Variants in SMTNL1 observed in about 807,000 individuals in gnomAD.
SMTNL1 encodes smoothelin-like protein 1.
SMTNL1 carries 41 observed loss-of-function variants against 46.6 expected under a neutral mutation model. That is an observed-to-expected ratio of 0.88 (90% CI 0.69 to 1.14). The LOEUF is 1.14. Among genes scored for constraint, SMTNL1 ranks in the 50% most tolerant of loss-of-function variants. The pLI, the probability that SMTNL1 is intolerant of heterozygous loss-of-function variation, is 0.00. For synonymous variants in SMTNL1, 234 were observed against 234.2 expected (o/e 1.00, Z 0.01); for missense variants, 591 against 626.1 (o/e 0.94, Z 0.60).
chr11:57,544,043 C>A, intron 4 of SMTNL1, 123 bp downstream of exon 4: 2 of 1,049,418 alleles, frequency 1.9e-6, no homozygotes, highest in Non-Finnish European at 2.8e-6. Context: ...GGATTCCTGG[C>A]ATTCAGCTTC....
Position 57,546,549 on chromosome 11 carries a change from T to C in SMTNL1, c.1237T>C (p.Phe413Leu). ...CTCCAGCTGGAGCAGTGGTATGGCC[T>C]TCTGTGCCCTCATCCACAAGTTCTT... ...FSSSWSSGMA[F>L]CALIHKFFPD... The change falls in exon 7 of 8, where the codon TTC (phenylalanine) becomes CTC (leucine). Residue 413 changes from phenylalanine to leucine, a missense_variant. Transcript: ENST00000527972. The C allele has an allele frequency of 6.2e-7, 1 of 1,614,174 alleles. No individual in the cohort carries two copies. Among genetic ancestry groups the C allele is most frequent in the Non-Finnish European group, 8.5e-7 (1 of 1,180,018 alleles).
chr11:57,540,999 A>T (rs971700937), intron 1 of SMTNL1, among the ~76,000 whole-genome samples: 4 of 152,132 alleles, frequency 2.6e-5, no homozygotes, highest in African/African-American at 9.7e-5. Context: ...GTGATCCACC[A>T]TGCCCGGCGT....
intron 4 of SMTNL1, 107 bp from the exon 5 acceptor site, chr11:57,545,774 C>A (rs2135265448): frequency 1.8e-6 from 2 of 1,099,694 alleles, no homozygotes; most frequent in Non-Finnish European, 2.6e-6. Flanking sequence ...CTGCACACAC[C>A]CCCTTAGACT....
intron 1 of SMTNL1, among the ~76,000 whole-genome samples, chr11:57,538,665 G>C (rs1327930554): frequency 2.6e-5 from 4 of 152,128 alleles, no homozygotes; most frequent in South Asian, 2.1e-4. Context: ...GTGGAAGTTG[G>C]GATACTTGGA....
chr11:57,543,502 G>T (rs1944898632), intron 2 of SMTNL1, 122 bp from the exon 3 acceptor site: 1 of 1,516,520 alleles, frequency 6.6e-7, no homozygotes, highest in East Asian at 2.4e-5. Context: ...CAGGGTGGGG[G>T]AGGGGGGACA....
chr11:57,538,797 A>G (rs968174549), intron 1 of SMTNL1, among the ~76,000 whole-genome samples: 2 of 152,212 alleles, frequency 1.3e-5, no homozygotes, highest in Non-Finnish European at 2.9e-5. Context: ...GGGTCGGAGC[A>G]AGAAATGACC....
At chr11:57,538,397 T>G (rs962545644) in intron 1 of SMTNL1, among the ~76,000 whole-genome samples, 3 of 152,086 alleles carry the variant, frequency 2.0e-5, no homozygotes, top group Non-Finnish European at 4.4e-5. Context: ...AGTGCTGCTT[T>G]GGACACAAAA....
chr11:57,546,090 G>A, intron 5 of SMTNL1, 54 bp downstream of exon 5: 3 of 1,533,506 alleles, frequency 2.0e-6, no homozygotes, highest in Non-Finnish European at 2.6e-6. Flanking sequence ...CCCTGGGTTG[G>A]TGGGAGGGTG....
At chr11:57,545,417 C>T (rs1428587792) in intron 4 of SMTNL1, among the ~76,000 whole-genome samples, 1 of 151,740 alleles carries the variant, frequency 6.6e-6, no homozygotes, top group Non-Finnish European at 1.5e-5. Flanking sequence ...CCAGCCTGGC[C>T]AACATGGTGC....
intron 1 of SMTNL1, among the ~76,000 whole-genome samples, chr11:57,541,908 T>C (rs897634335): frequency 2.6e-5 from 4 of 152,108 alleles, no homozygotes; most frequent in African/African-American, 9.7e-5. Context: ...CAATTCTATC[T>C]AGATACTTCT....
intron 1 of SMTNL1, among the ~76,000 whole-genome samples, chr11:57,540,377 G>T (rs1944863294): frequency 6.6e-6 from 1 of 152,148 alleles, no homozygotes; most frequent in Non-Finnish European, 1.5e-5. Context: ...AAGATTATAG[G>T]CATGAGCCAC....
chr11:57,545,981 C>G lies in SMTNL1; in HGVS notation c.1018C>G (p.Arg340Gly), dbSNP rs760409288. Reference protein sequence around the residue: ...APERRVSAPARPRGPRAQNRK... With the variant: ...APERRVSAPAGPRGPRAQNRK... ...AGAGCGCAGGGTATCAGCCCCTGCTCGGCCCCGGGGGCCCCGGGCACAGAA... is the reference window on the plus strand; with the variant it reads ...AGAGCGCAGGGTATCAGCCCCTGCTGGGCCCCGGGGGCCCCGGGCACAGAA... Residue 340 changes from arginine to glycine, a missense_variant, in exon 5 of 8, where the codon CGG becomes GGG. By Grantham distance (125) the Arg-to-Gly change is moderately radical (BLOSUM62 -2). Coordinates refer to ENST00000527972, the MANE Select transcript of SMTNL1 (RefSeq NM_001105565.3). 1.2e-6 allele frequency: 2 copies of G among 1,609,456 alleles called. No homozygotes were observed. Among genetic ancestry groups the G allele is most frequent in the Non-Finnish European group, 1.7e-6 (2 of 1,178,290 alleles).
In SMTNL1 at chr11:57,550,182, C is replaced by T; in HGVS notation, c.*70C>T. 1 of 1,502,682 alleles carries T rather than the reference C, an allele frequency of 6.7e-7. No individual in the cohort carries two copies. Among genetic ancestry groups the T allele is most frequent in the East Asian group, 2.4e-5 (1 of 41,620 alleles). 93.1% of individuals were successfully genotyped at this position (1,502,682 alleles called of 1,614,324 possible). On this transcript the variant is annotated 3_prime_UTR_variant, in exon 8 of 8. Coordinates refer to ENST00000527972, the MANE Select transcript of SMTNL1 (RefSeq NM_001105565.3). Reference sequence around the variant, plus strand: ...TCAGCAGCCACGGCCCGGGGGTTCCCTTCTGCTCCATGGAGGCACCAGAGC... The same window carrying T: ...TCAGCAGCCACGGCCCGGGGGTTCCTTTCTGCTCCATGGAGGCACCAGAGC...
chr11:57,541,700 C>G (rs1944879222), intron 1 of SMTNL1: 1 of 687,060 alleles, frequency 1.5e-6, no homozygotes, highest in South Asian at 2.0e-5. Flanking sequence ...TATACACCAC[C>G]TCTATAATTT....
chr11:57,547,478 C>A (rs1944930762), intron 7 of SMTNL1, among the ~76,000 whole-genome samples: 1 of 152,236 alleles, frequency 6.6e-6, no homozygotes, highest in Non-Finnish European at 1.5e-5. Context: ...AGCTCTGTGA[C>A]CCTCGCCAGC....
chr11:57,546,457 G>A (rs912866546), intron 6 of SMTNL1, 44 bp from the exon 7 acceptor site: 1 of 1,611,470 alleles, frequency 6.2e-7, no homozygotes, highest in African/African-American at 1.3e-5. Context: ...CAGGCCATCT[G>A]GCTGAGCCTC....
At position 57,546,599 on chromosome 11, in the gene SMTNL1, G is replaced by T; in HGVS notation, c.1287G>T (p.Glu429Asp). The change falls in exon 7 of 8, where the codon GAG (glutamate) becomes GAT (aspartate). Residue 429 changes from glutamate to aspartate, a missense_variant. Coordinates refer to ENST00000527972, the MANE Select transcript of SMTNL1 (RefSeq NM_001105565.3). ...TCCCTGACGCCTTTGACTACGCAGA[G>T]CTGGATCCCGCAAAGCGCCGGCACA... The part of the protein sequence containing the change: ...KFFPDAFDYA[E>D]LDPAKRRHNF... The T allele has an allele frequency of 6.2e-7, 1 of 1,614,054 alleles. No individual in the cohort carries two copies. The highest frequency in any genetic ancestry group is 8.5e-7 in the Non-Finnish European group (1 of 1,179,926).
At chr11:57,539,462 C>A (rs1212070415) in intron 1 of SMTNL1, among the ~76,000 whole-genome samples, 1 of 152,238 alleles carries the variant, frequency 6.6e-6, no homozygotes, top group East Asian at 1.9e-4. Context: ...ATTCAGTTCT[C>A]TCTGCCTTGA....
chr11:57,542,143 C>CAAAAA (rs142355688), intron 1 of SMTNL1, among the ~76,000 whole-genome samples: 3 of 148,816 alleles, frequency 2.0e-5, no homozygotes, highest in African/African-American at 7.5e-5. Context: ...CACACACACA[C>CAAAAA]AAAAATTAGC....
Sources: allele counts gnomAD v4.1 joint callset (sites outside exome capture counted in the v4.1 genomes callset), GRCh38; gene constraint gnomAD v4.1.1; transcripts MANE v1.5; gene names NCBI Gene and HGNC (gene_info 2026-07-23, HGNC 2026-07-21).